The following EDIL3 variants were observed in gnomAD, a reference collection of about 807,000 sequenced individuals.
The protein encoded by EDIL3 is EGF like and discoidin domains 3.
Under a neutral mutation model 67.4 loss-of-function variants are expected in EDIL3, and 37 were observed. That is an observed-to-expected ratio of 0.55 (90% CI 0.42 to 0.72). The LOEUF is 0.72. EDIL3 is among the 30% of genes least tolerant of loss of function. EDIL3 has a pLI of 0.00. For synonymous variants in EDIL3, 195 were observed against 196.3 expected (o/e 0.99, Z 0.05); for missense variants, 527 against 586.3 (o/e 0.90, Z 1.04).
At chr5:84,323,899 C>A (rs939845147) in intron 1 of EDIL3, among the ~76,000 whole-genome samples, 1 of 151,636 alleles carries the variant, frequency 6.6e-6, no homozygotes, top group Admixed American at 6.6e-5. Flanking sequence ...AAATAACAGA[C>A]CATCAAAATA....
At chr5:84,121,871 A>G (rs1483917773) in intron 5 of EDIL3, among the ~76,000 whole-genome samples, 1 of 152,008 alleles carries the variant, frequency 6.6e-6, no homozygotes, top group Non-Finnish European at 1.5e-5. Flanking sequence ...TTATGTATTT[A>G]AGAATTTGTC....
chr5:83,963,218 T>C lies in EDIL3; in HGVS notation c.1280A>G (p.Gln427Arg). 6.3e-7 allele frequency: 1 copy of C among 1,594,602 alleles called. No homozygotes were observed. Among genetic ancestry groups the C allele is most frequent in the Non-Finnish European group, 8.5e-7 (1 of 1,172,628 alleles). ...EHWTVYQDEKQRKDKVFQGNF... is the reference protein window; with the variant it reads ...EHWTVYQDEKRRKDKVFQGNF... Reference sequence around the variant, plus strand: ...TGGCTGACTTACCTTATCTTTTCTTTGCTTTTCATCCTGGTATACAGTCCA... The same window carrying C: ...TGGCTGACTTACCTTATCTTTTCTTCGCTTTTCATCCTGGTATACAGTCCA... The change falls in exon 10 of 11, where the codon CAA (glutamine) becomes CGA (arginine). Residue 427 changes from glutamine (Q) to arginine (R), a missense_variant. Physicochemically the swap from Gln to Arg is conservative, Grantham distance 43. Around this residue, in one of 2 missense-constraint regions of EDIL3, gnomAD observed 494 missense variants for 522.5 expected, o/e 0.95. Transcript: ENST00000296591.
chr5:84,117,030 T>TGTTTTG lies in EDIL3; in HGVS notation c.470-10201_470-10200insCAAAAC, dbSNP rs10661463. 1.4e-4 allele frequency among the ~76,000 whole-genome samples: 18 copies of TGTTTTG among 132,790 alleles called. No individual in the cohort carries two copies. The South Asian group carries it at 4.1e-3, about 30-fold the overall frequency. 87.1% of individuals were successfully genotyped at this position (132,790 alleles called of 152,430 possible). A position where few individuals can be genotyped will look rare whatever the true frequency, so the allele number is the denominator to read the frequency against. On this transcript the variant is annotated intron_variant, in intron 5 of 10. Coordinates refer to ENST00000296591, the MANE Select transcript of EDIL3 (RefSeq NM_005711.5). ...CCAAGTTAAGTACTTATTTTTTTTT[T>TGTTTTG]TTTTTTTTTTTTTTTGAGACGGAGT...
intron 9 of EDIL3, among the ~76,000 whole-genome samples, chr5:84,021,496 T>G (rs1465189235): frequency 6.6e-6 from 1 of 152,016 alleles, no homozygotes; most frequent in Non-Finnish European, 1.5e-5. Context: ...TTAGTTTCCA[T>G]GTATATATAG....
chr5:84,300,707 A>T (rs1746141136), intron 1 of EDIL3, among the ~76,000 whole-genome samples: 1 of 152,174 alleles, frequency 6.6e-6, no homozygotes, highest in Non-Finnish European at 1.5e-5. Flanking sequence ...TATAAATAAT[A>T]ATTATATAAG....
intron 6 of EDIL3, among the ~76,000 whole-genome samples, chr5:84,084,504 G>A (rs533036050): frequency 1.2e-4 from 19 of 152,228 alleles, no homozygotes; most frequent in Admixed American, 1.2e-3. Flanking sequence ...ATTTTATGAA[G>A]AGTGAATAGA....
intron 1 of EDIL3, among the ~76,000 whole-genome samples, chr5:84,312,499 C>T (rs1398695944): frequency 5.4e-5 from 8 of 147,044 alleles, no homozygotes; most frequent in African/African-American, 1.8e-4. Flanking sequence ...GGCGGCTGGC[C>T]GGGCAGGGGG....
chr5:84,199,127 T>A (rs1239982056), intron 3 of EDIL3, among the ~76,000 whole-genome samples: 1 of 152,038 alleles, frequency 6.6e-6, no homozygotes, highest in Non-Finnish European at 1.5e-5. Flanking sequence ...TCCTGGTTCA[T>A]CTTTATCAGA....
chr5:84,101,919 A>C (rs1747372914), intron 6 of EDIL3, among the ~76,000 whole-genome samples: 1 of 152,142 alleles, frequency 6.6e-6, no homozygotes, highest in African/African-American at 2.4e-5. Context: ...AAAAATCCTC[A>C]ACAAAATACA....
intron 1 of EDIL3, among the ~76,000 whole-genome samples, chr5:84,383,875 T>C (rs943526740): frequency 6.6e-6 from 1 of 152,088 alleles, no homozygotes; most frequent in Non-Finnish European, 1.5e-5. Flanking sequence ...CCCCAGCCTC[T>C]TCCCGCATCA....
At chr5:84,292,567 GTT>G (rs1745944912) in intron 1 of EDIL3, among the ~76,000 whole-genome samples, 1 of 152,104 alleles carries the variant, frequency 6.6e-6, no homozygotes, top group South Asian at 2.1e-4. Flanking sequence ...TATTATGAGT[GTT>G]TATTGTTAAT....
intron 3 of EDIL3, among the ~76,000 whole-genome samples, chr5:84,182,181 C>T (rs373198333): frequency 6.6e-6 from 1 of 151,934 alleles, no homozygotes; most frequent in Non-Finnish European, 1.5e-5. Context: ...AATCCCAGCA[C>T]TTTCAGAGGC....
intron 1 of EDIL3, among the ~76,000 whole-genome samples, chr5:84,325,614 G>T (rs1306685161): frequency 6.6e-6 from 1 of 152,000 alleles, no homozygotes; most frequent in Admixed American, 6.6e-5. Context: ...TTTATCATGT[G>T]ATCTGTTAAT....
At chr5:84,346,266 C>T (rs1374943635) in intron 1 of EDIL3, among the ~76,000 whole-genome samples, 1 of 151,394 alleles carries the variant, frequency 6.6e-6, no homozygotes, top group African/African-American at 2.4e-5. Context: ...GCCTCAGCCT[C>T]CCGCAAACTT....
intron 3 of EDIL3, among the ~76,000 whole-genome samples, chr5:84,197,727 AAT>A (rs1383474998): frequency 6.6e-6 from 1 of 151,980 alleles, no homozygotes; most frequent in African/African-American, 2.4e-5. Context: ...AAAGAAATGC[AAT>A]ATAATTGCAT....
intron 3 of EDIL3, among the ~76,000 whole-genome samples, chr5:84,227,145 GAGA>G (rs1744467192): frequency 6.6e-6 from 1 of 151,932 alleles, no homozygotes; most frequent in African/African-American, 2.4e-5. Flanking sequence ...GACACCCAGA[GAGA>G]AAGTCCAATT....
intron 4 of EDIL3, among the ~76,000 whole-genome samples, chr5:84,176,202 TATATATA>T (rs1748904932): frequency 9.9e-5 from 1 of 10,100 alleles, no homozygotes; most frequent in East Asian, 0.017. Context: ...ATATATAATA[TATATATA>T]TATATATATA....
intron 9 of EDIL3, among the ~76,000 whole-genome samples, chr5:83,990,644 G>A (rs1745133649): frequency 6.6e-6 from 1 of 152,042 alleles, no homozygotes; most frequent in Non-Finnish European, 1.5e-5. Flanking sequence ...ATTTTGGGAG[G>A]CTGAGGTGGG....
chr5:84,338,897 T>C (rs936985074), intron 1 of EDIL3, among the ~76,000 whole-genome samples: 2 of 152,154 alleles, frequency 1.3e-5, no homozygotes, highest in Non-Finnish European at 2.9e-5. Context: ...GCTGTCACCA[T>C]TTTTAAAGTC....
Sources: gnomAD v4.1 joint callset for allele counts (sites outside exome capture counted in the v4.1 genomes callset) on GRCh38, gnomAD v4.1.1 for gene constraint, gnomAD v4.1.1 regional missense constraint, MANE v1.5 for transcripts, NCBI Gene and HGNC (gene_info 2026-07-23, HGNC 2026-07-21) for gene names.